The following ZCCHC12 variants were observed in gnomAD, a reference collection of about 807,000 sequenced individuals.
ZCCHC12 encodes the protein zinc finger CCHC domain-containing protein 12.
For missense variants in ZCCHC12, 317 were observed against 323.4 expected, an observed-to-expected ratio of 0.98 and a Z score of 0.15; for synonymous variants, 128 against 123.2, an observed-to-expected ratio of 1.04 and a Z score of -0.26.
chrX:118,825,439 G>C lies in ZCCHC12; in HGVS notation c.195G>C (p.Leu65=), dbSNP rs1371462832. ...GGGAAGAAACCTTTGAAAACTGGCT[G>C]ACCCAAGTCAATGGCGTCCTGCCAG... The part of the protein sequence containing the change: ...AQGEETFENW[L]TQVNGVLPDW... The change falls in exon 4 of 4, where the codon CTG becomes CTC. Residue 65 remains leucine, a synonymous_variant. Transcript: ENST00000310164. 3 of 1,209,507 alleles carry C rather than the reference G, an allele frequency of 2.5e-6. No individual in the cohort carries two copies. Among genetic ancestry groups the C allele is most frequent in the Admixed American group, 4.4e-5 (2 of 45,767 alleles).
Position 118,826,450 on chromosome X carries a change from G to A in ZCCHC12, c.1206G>A (p.Leu402=), listed in dbSNP as rs2018258081. ...AATACAATGACTTCTCTGAGCCACT[G>A]TAAGGGACCACCCCCAGGTTTCAGT... ...PGEYNDFSEP[L] is the part of the protein sequence containing the mutation. Residue 402 remains leucine, a synonymous_variant, in exon 4 of 4, where the codon CTG becomes CTA. Coordinates refer to ENST00000310164, the MANE Select transcript of ZCCHC12 (RefSeq NM_173798.4). The A allele has an allele frequency of 5.9e-6, 7 of 1,196,566 alleles. No homozygotes were observed. The highest frequency in any genetic ancestry group is 1.8e-5 in the African/African-American group (1 of 56,999).
chrX:118,825,709 G>T lies in ZCCHC12; in HGVS notation c.465G>T (p.Gln155His), dbSNP rs377519126. Reference sequence around the variant, plus strand: ...TTTATGTGATCCGTTTAGAGGTGCAGCTCCAGAACGCTATTCAGGCAGGCA... The same window carrying T: ...TTTATGTGATCCGTTTAGAGGTGCATCTCCAGAACGCTATTCAGGCAGGCA... ...ASLYVIRLEV[Q>H]LQNAIQAGII... Residue 155 changes from glutamine to histidine, a missense_variant, in exon 4 of 4, where the codon CAG (glutamine) becomes CAT (histidine). Physicochemically the swap from Gln to His is conservative, Grantham distance 24. Coordinates refer to ENST00000310164, the MANE Select transcript of ZCCHC12 (RefSeq NM_173798.4). The T allele has an allele frequency of 3.3e-6, 4 of 1,209,844 alleles. No individual in the cohort carries two copies. The highest frequency in any genetic ancestry group is 4.5e-6 in the Non-Finnish European group (4 of 895,284).
Position 118,825,970 on chromosome X carries a change from A to G in ZCCHC12, c.726A>G (p.Ala242=). 2.5e-6 allele frequency: 3 copies of G among 1,212,010 alleles called. No homozygotes were observed. The highest frequency in any genetic ancestry group is 3.3e-6 in the Non-Finnish European group (3 of 895,577). The change falls in exon 4 of 4, where the codon GCA becomes GCG. Residue 242 remains alanine (A), a synonymous_variant. Transcript: ENST00000310164. ...PKRSESMVER[A]VSPVAFQGSP... ...GGTCTGAGTCAATGGTGGAGAGGGC[A>G]GTCAGCCCTGTGGCATTTCAGGGCT...
rs751124458 is a variant in ZCCHC12, at chrX:118,825,757, C to T, written c.513C>T (p.Asn171=). 9.9e-6 allele frequency: 12 copies of T among 1,210,039 alleles called. No homozygotes were observed. The highest frequency in any genetic ancestry group is 8.9e-6 in the Non-Finnish European group (8 of 895,298). The change falls in exon 4 of 4, where the codon AAC becomes AAT. Residue 171 remains asparagine (N), a synonymous_variant. Coordinates refer to ENST00000310164, the MANE Select transcript of ZCCHC12 (RefSeq NM_173798.4). The part of the protein sequence containing the change: ...QAGIIAEKDA[N]RTRLQQLLLG... ...GCATTATAGCTGAGAAAGATGCAAA[C>T]CGGACTCGCTTGCAGCAGCTCCTTT...
In ZCCHC12 at chrX:118,823,961, C is replaced by T. The variant is rs1243678563; in HGVS notation, c.-336C>T. ...GGCGGAGACCAGAAGGCGGAATCCA[C>T]AGCTGGCGACGCGGGAGCATCTGCT... On this transcript the variant is annotated 5_prime_UTR_variant, in exon 1 of 4. Coordinates refer to ENST00000310164, the MANE Select transcript of ZCCHC12 (RefSeq NM_173798.4). The T allele has an allele frequency of 8.9e-6, 1 of 112,741 alleles. No individual in the cohort carries two copies. The highest frequency in any genetic ancestry group is 1.9e-5 in the Non-Finnish European group (1 of 53,309). 9.3% of individuals were successfully genotyped at this position (112,741 alleles called of 1,213,427 possible). A position where few individuals can be genotyped will look rare whatever the true frequency, so the allele number is the denominator to read the frequency against.
chrX:118,826,346 C>G lies in ZCCHC12; in HGVS notation c.1102C>G (p.Gln368Glu). 1 of 1,211,640 alleles carries G rather than the reference C, an allele frequency of 8.3e-7. No individual in the cohort carries two copies. Among genetic ancestry groups the G allele is most frequent in the Non-Finnish European group, 1.1e-6 (1 of 895,501 alleles). ...ETCDNESDKA[Q>E]VFENLIITLQ... ...CTGTGACAACGAGAGTGACAAGGCC[C>G]AGGTTTTTGAGAATTTGATCATCAC... The change falls in exon 4 of 4, where the codon CAG (glutamine) becomes GAG (glutamate). Residue 368 changes from glutamine (Q) to glutamate (E), a missense_variant. By Grantham distance (29) the Gln-to-Glu change is conservative. Coordinates refer to ENST00000310164, the MANE Select transcript of ZCCHC12 (RefSeq NM_173798.4).
Position 118,826,847 on chromosome X carries a change from A to T in ZCCHC12, c.*394A>T, listed in dbSNP as rs1435073280. 4.7e-6 allele frequency: 1 copy of T among 213,035 alleles called. No homozygotes were observed. Among genetic ancestry groups the T allele is most frequent in the East Asian group, 1.2e-4 (1 of 8,432 alleles). 17.6% of individuals were successfully genotyped at this position (213,035 alleles called of 1,213,427 possible). A position where few individuals can be genotyped will look rare whatever the true frequency, so the allele number is the denominator to read the frequency against. ...TGATGAGTGATATTTCCCTATACCT[A>T]TGTACCCAGATAGATATATGCATAG... On this transcript the variant is annotated 3_prime_UTR_variant, in exon 4 of 4. Transcript: ENST00000310164.
At position 118,826,424 on chromosome X, in the gene ZCCHC12, G is replaced by A. The variant is rs780746723; in HGVS notation, c.1180G>A (p.Glu394Lys). The change falls in exon 4 of 4, where the codon GAA (glutamate) becomes AAA (lysine). Residue 394 changes from glutamate to lysine, a missense_variant. Coordinates refer to ENST00000310164, the MANE Select transcript of ZCCHC12 (RefSeq NM_173798.4). ...EMERSRVAPG[E>K]YNDFSEPL ...GGAGAGGTCAAGAGTGGCCCCTGGC[G>A]AATACAATGACTTCTCTGAGCCACT... The A allele has an allele frequency of 1.2e-5, 14 of 1,196,299 alleles. No individual in the cohort carries two copies. The Admixed American group carries it at 2.2e-4, about 19-fold the overall frequency.
chrX:118,826,660 C>T lies in ZCCHC12; in HGVS notation c.*207C>T. The T allele has an allele frequency of 2.1e-6, 1 of 479,369 alleles. No homozygotes were observed. The highest frequency in any genetic ancestry group is 2.4e-5 in the African/African-American group (1 of 41,716). The allele number at this position is 479,369 out of a possible 1,213,427, so 39.5% of individuals were successfully genotyped here. ...CTGTCCTTGCTCCTTCTCCCTGCAG[C>T]CTACGGGTCTGTTTTCTGTGTGTGC... On this transcript the variant is annotated 3_prime_UTR_variant, in exon 4 of 4. Transcript: ENST00000310164.
rs1192064455 is a variant in ZCCHC12 at position 118,825,302 on chromosome X, C to T, written c.58C>T (p.Pro20Ser). The T allele has an allele frequency of 8.3e-7, 1 of 1,211,907 alleles. No homozygotes were observed. The highest frequency in any genetic ancestry group is 1.8e-5 in the South Asian group (1 of 56,965). The change falls in exon 4 of 4, where the codon CCT (proline) becomes TCT (serine). Residue 20 changes from proline to serine, a missense_variant. Coordinates refer to ENST00000310164, the MANE Select transcript of ZCCHC12 (RefSeq NM_173798.4). The part of the protein sequence containing the change: ...NSRRLNAPLP[P>S]WAHSMLRSLG... Reference sequence around the variant, plus strand: ...CCGGCGGCTGAATGCACCCTTGCCGCCTTGGGCCCATTCCATGCTGAGGTC... The same window carrying T: ...CCGGCGGCTGAATGCACCCTTGCCGTCTTGGGCCCATTCCATGCTGAGGTC...
chrX:118,825,968 G>A lies in ZCCHC12; in HGVS notation c.724G>A (p.Ala242Thr), dbSNP rs753176051. The A allele has an allele frequency of 2.5e-6, 3 of 1,209,860 alleles. No individual in the cohort carries two copies. The African/African-American group carries it at 5.3e-5, about 21-fold the overall frequency. Residue 242 changes from alanine (A) to threonine (T), a missense_variant, in exon 4 of 4, where the codon GCA (alanine) becomes ACA (threonine). By Grantham distance (58) the Ala-to-Thr change is moderately conservative. Transcript: ENST00000310164. ...AAGGTCTGAGTCAATGGTGGAGAGG[G>A]CAGTCAGCCCTGTGGCATTTCAGGG... ...PKRSESMVERAVSPVAFQGSP... is the reference protein window; with the variant it reads ...PKRSESMVERTVSPVAFQGSP...
rs576475914 is a variant in ZCCHC12, at chrX:118,826,846, T to G, written c.*393T>G. 4.6e-6 allele frequency: 1 copy of G among 215,558 alleles called. No individual in the cohort carries two copies. The highest frequency in any genetic ancestry group is 6.8e-5 in the Admixed American group (1 of 14,762). The allele number at this position is 215,558 out of a possible 1,213,427, so 17.8% of individuals were successfully genotyped here. On this transcript the variant is annotated 3_prime_UTR_variant, in exon 4 of 4. Coordinates refer to ENST00000310164, the MANE Select transcript of ZCCHC12 (RefSeq NM_173798.4). ...TTGATGAGTGATATTTCCCTATACC[T>G]ATGTACCCAGATAGATATATGCATA...
In ZCCHC12 at chrX:118,826,608, G is replaced by C. The variant is rs750615528; in HGVS notation, c.*155G>C. The C allele has an allele frequency of 8.5e-6, 6 of 709,206 alleles. No individual in the cohort carries two copies. In the East Asian group the frequency reaches 1.4e-4, roughly 17 times the overall value. The allele number at this position is 709,206 out of a possible 1,213,427, so 58.4% of individuals were successfully genotyped here. On this transcript the variant is annotated 3_prime_UTR_variant, in exon 4 of 4. Transcript: ENST00000310164. The stretch of plus-strand genomic sequence containing the variant: ...GGAGTAGAAAGGGTCTTGGATACCA[G>C]CACATTGGAGGGAGATAGCCTGACC...
chrX:118,826,433 G>T lies in ZCCHC12; in HGVS notation c.1189G>T (p.Asp397Tyr), dbSNP rs745351659. ...AAGAGTGGCCCCTGGCGAATACAAT[G>T]ACTTCTCTGAGCCACTGTAAGGGAC... is the stretch of plus-strand genomic sequence containing the variant. ...RSRVAPGEYNDFSEPL is the reference protein window; with the variant it reads ...RSRVAPGEYNYFSEPL The change falls in exon 4 of 4, where the codon GAC (aspartate) becomes TAC (tyrosine). Residue 397 changes from aspartate to tyrosine, a missense_variant. By Grantham distance (160) the Asp-to-Tyr change is radical. Transcript: ENST00000310164. The T allele has an allele frequency of 8.3e-7, 1 of 1,207,710 alleles. No individual in the cohort carries two copies.
At position 118,823,830 on chromosome X, in the gene ZCCHC12, G is replaced by A. The variant is rs1388421906; in HGVS notation, c.-467G>A. 1 of 113,373 alleles carries A rather than the reference G, an allele frequency of 8.8e-6. No homozygotes were observed. The highest frequency in any genetic ancestry group is 1.9e-5 in the Non-Finnish European group (1 of 53,408). The allele number at this position is 113,373 out of a possible 1,213,427, so 9.3% of individuals were successfully genotyped here. The stretch of plus-strand genomic sequence containing the variant: ...CCGCGGCTGCCTTAGGAACGGCGCT[G>A]CCTCGTCTCTGCTACCCCTGGTTGG... On this transcript the variant is annotated 5_prime_UTR_variant, in exon 1 of 4. Transcript: ENST00000310164.
Position 118,823,940 on chromosome X carries a change from G to T in ZCCHC12, c.-357G>T, listed in dbSNP as rs1486278423. ...TCAGTTCTTTGCCGCCTGCAAGGCG[G>T]AGACCAGAAGGCGGAATCCACAGCT... On this transcript the variant is annotated 5_prime_UTR_variant, in exon 1 of 4. Coordinates refer to ENST00000310164, the MANE Select transcript of ZCCHC12 (RefSeq NM_173798.4). 5 of 113,180 alleles carry T rather than the reference G, an allele frequency of 4.4e-5. No individual in the cohort carries two copies. The highest frequency in any genetic ancestry group is 1.6e-4 in the African/African-American group (5 of 31,203). The allele number at this position is 113,180 out of a possible 1,213,427, so 9.3% of individuals were successfully genotyped here. A position where few individuals can be genotyped will look rare whatever the true frequency, so the allele number is the denominator to read the frequency against.
chrX:118,825,206 G>C lies in ZCCHC12; in HGVS notation c.-39G>C, dbSNP rs2018235952. The C allele has an allele frequency of 8.3e-7, 1 of 1,211,301 alleles. No individual in the cohort carries two copies. The highest frequency in any genetic ancestry group is 3.0e-5 in the East Asian group (1 of 33,831). ...AGATTAAGCTTTTCTAAAAAGCCTA[G>C]GCATCTTCTTATATTCAGATACCCT... is the stretch of plus-strand genomic sequence containing the variant. On this transcript the variant is annotated 5_prime_UTR_variant, in exon 4 of 4. Coordinates refer to ENST00000310164, the MANE Select transcript of ZCCHC12 (RefSeq NM_173798.4).
Position 118,826,119 on chromosome X carries a change from C to T in ZCCHC12, c.875C>T (p.Ala292Val). The change falls in exon 4 of 4, where the codon GCC becomes GTC. Residue 292 changes from alanine to valine, a missense_variant. Physicochemically the swap from Ala to Val is moderately conservative, Grantham distance 64 (BLOSUM62 0). Transcript: ENST00000310164. ...SQDPPLPSWG[A>V]PPLRDRARPQ... ...GACCCTCCACTTCCATCCTGGGGTG[C>T]CCCTCCCCTCAGAGACAGGGCCAGA... 1 of 1,211,505 alleles carries T rather than the reference C, an allele frequency of 8.3e-7. No homozygotes were observed. The highest frequency in any genetic ancestry group is 1.1e-6 in the Non-Finnish European group (1 of 895,432).
chrX:118,825,437 C>T lies in ZCCHC12; in HGVS notation c.193C>T (p.Leu65=), dbSNP rs2018239834. 1 of 1,209,368 alleles carries T rather than the reference C, an allele frequency of 8.3e-7. No homozygotes were observed. The highest frequency in any genetic ancestry group is 1.8e-5 in the African/African-American group (1 of 57,130). ...AGGGGAAGAAACCTTTGAAAACTGG[C>T]TGACCCAAGTCAATGGCGTCCTGCC... ...AQGEETFENW[L]TQVNGVLPDW... is the part of the protein sequence containing the mutation. Residue 65 remains leucine, a synonymous_variant, in exon 4 of 4, where the codon CTG becomes TTG. Coordinates refer to ENST00000310164, the MANE Select transcript of ZCCHC12 (RefSeq NM_173798.4).
Sources: gnomAD v4.1 joint callset for allele counts on GRCh38, gnomAD v4.1.1 for gene constraint, MANE v1.5 for transcripts, NCBI Gene and HGNC (gene_info 2026-07-23, HGNC 2026-07-21) for gene names.